The following TRAM1 variants were observed in gnomAD, a reference collection of about 807,000 sequenced individuals.
The protein encoded by TRAM1 is translocation associated membrane protein 1.
A neutral mutation model predicts 48.7 loss-of-function variants in TRAM1; 17 were observed. The observed-to-expected ratio is 0.35, with a 90% CI of 0.24 to 0.52. The LOEUF (loss-of-function observed/expected upper bound fraction) is 0.52. TRAM1 is among the 20% of genes least tolerant of loss of function. The pLI, the probability that TRAM1 is intolerant of heterozygous loss-of-function variation, is 0.94. For missense variants in TRAM1, 351 were observed against 441.5 expected, an observed-to-expected ratio of 0.79 and a Z score of 1.84; for synonymous variants, 182 against 154.0, an observed-to-expected ratio of 1.18 and a Z score of -1.34.
At chr8:70,591,629 TTTC>T (rs1317423616) in intron 6 of TRAM1, among the ~76,000 whole-genome samples, 1 of 152,204 alleles carries the variant, frequency 6.6e-6, no homozygotes, top group Non-Finnish European at 1.5e-5. Context: ...AAAAAACACA[TTTC>T]TTGACTACTC....
chr8:70,587,813 C>T (rs1233418816), intron 6 of TRAM1: 1 of 152,202 alleles, frequency 6.6e-6, no homozygotes, highest in Non-Finnish European at 1.5e-5. Flanking sequence ...TCCTCAATTA[C>T]TTTGCAAGCC....
intron 10 of TRAM1, among the ~76,000 whole-genome samples, chr8:70,582,089 G>C (rs1817088079): frequency 6.6e-6 from 1 of 152,108 alleles, no homozygotes; most frequent in South Asian, 2.1e-4. Context: ...ATACTTTAAA[G>C]GGTAAACTTT....
chr8:70,594,754 A>G (rs1817449833), intron 5 of TRAM1, among the ~76,000 whole-genome samples, 164 bp from the exon 6 acceptor site: 1 of 152,158 alleles, frequency 6.6e-6, no homozygotes, highest in South Asian at 2.1e-4. Flanking sequence ...CTCTTTCCCC[A>G]TCTCCCTGTG....
intron 1 of TRAM1, chr8:70,607,166 A>T: frequency 1.0e-6 from 1 of 985,400 alleles, no homozygotes; most frequent in South Asian, 4.7e-5. Flanking sequence ...AGCGAGGGGA[A>T]AAACGTAGGA....
chr8:70,597,218 C>A (rs1055758552), intron 4 of TRAM1, among the ~76,000 whole-genome samples: 1 of 152,106 alleles, frequency 6.6e-6, no homozygotes, highest in Non-Finnish European at 1.5e-5. Flanking sequence ...TAGAGTGATA[C>A]AACTAAAGGT....
chr8:70,574,735 T>A lies in TRAM1; in HGVS notation c.*197A>T, dbSNP rs1816908253. The A allele has an allele frequency of 4.2e-6, 2 of 471,750 alleles. No homozygotes were observed. The highest frequency in any genetic ancestry group is 8.2e-5 in the Admixed American group (2 of 24,462). The allele number at this position is 471,750 out of a possible 1,614,324, so 29.2% of individuals were successfully genotyped here. On this transcript the variant is annotated 3_prime_UTR_variant, in exon 11 of 11. Coordinates refer to ENST00000262213, the MANE Select transcript of TRAM1 (RefSeq NM_014294.6). ...ACTATTTTGAAGGCAGGTAGCTTAG[T>A]CTAAGCTAAAATATTTTTTTCATTC...
At chr8:70,605,096 T>C (rs979316337) in intron 1 of TRAM1, among the ~76,000 whole-genome samples, 12 of 152,258 alleles carry the variant, frequency 7.9e-5, no homozygotes, top group African/African-American at 1.7e-4. Context: ...CTTTTCAGTA[T>C]GTATAATCTC....
At chr8:70,594,323 T>TTC (rs1817435163) in intron 6 of TRAM1, among the ~76,000 whole-genome samples, 183 bp downstream of exon 6, 1 of 150,140 alleles carries the variant, frequency 6.7e-6, no homozygotes, top group Non-Finnish European at 1.5e-5. Context: ...TTTTTTTTTT[T>TTC]CAAGAAATGC....
chr8:70,593,526 C>T (rs1817413394), intron 6 of TRAM1, among the ~76,000 whole-genome samples: 1 of 151,376 alleles, frequency 6.6e-6, no homozygotes, highest in Non-Finnish European at 1.5e-5. Context: ...TCATCTATAT[C>T]CCTCTTCACT....
chr8:70,595,120 C>G (rs1817460364), intron 5 of TRAM1, among the ~76,000 whole-genome samples: 1 of 151,144 alleles, frequency 6.6e-6, no homozygotes, highest in Non-Finnish European at 1.5e-5. Flanking sequence ...GGAGGCAGAG[C>G]TAGGATTAAA....
intron 5 of TRAM1, among the ~76,000 whole-genome samples, chr8:70,595,270 T>A (rs1036903805): frequency 6.6e-6 from 1 of 151,806 alleles, no homozygotes; most frequent in African/African-American, 2.4e-5. Context: ...CCTCCAGAAG[T>A]CTAAAATAGA....
At chr8:70,603,736 C>A (rs1378337484) in intron 1 of TRAM1, among the ~76,000 whole-genome samples, 1 of 152,120 alleles carries the variant, frequency 6.6e-6, no homozygotes, top group African/African-American at 2.4e-5. Context: ...CCTTTACAAA[C>A]AACAAATGAG....
At chr8:70,599,052 A>C (rs964854512) in intron 2 of TRAM1, among the ~76,000 whole-genome samples, 2 of 152,138 alleles carry the variant, frequency 1.3e-5, no homozygotes, top group Admixed American at 1.3e-4. Flanking sequence ...TGAGGCCCAA[A>C]TTCAAGACTG....
At chr8:70,591,401 A>G (rs1817356177) in intron 6 of TRAM1, among the ~76,000 whole-genome samples, 1 of 152,150 alleles carries the variant, frequency 6.6e-6, no homozygotes, top group African/African-American at 2.4e-5. Context: ...CGGTGTTCAC[A>G]TGTCTGAGGC....
chr8:70,607,769 A>C, intron 1 of TRAM1: 1 of 199,306 alleles, frequency 5.0e-6, no homozygotes, highest in Non-Finnish European at 9.9e-6. Flanking sequence ...CGCGGGAACC[A>C]GGAACTGCGC....
intron 6 of TRAM1, among the ~76,000 whole-genome samples, chr8:70,589,396 G>C (rs983402463): frequency 6.6e-6 from 1 of 152,236 alleles, no homozygotes; most frequent in East Asian, 1.9e-4. Context: ...TCTCAGAAAA[G>C]CTCACTTAGT....
At chr8:70,604,450 G>A (rs1817677346) in intron 1 of TRAM1, among the ~76,000 whole-genome samples, 2 of 152,138 alleles carry the variant, frequency 1.3e-5, no homozygotes, top group Non-Finnish European at 2.9e-5. Context: ...CTCAGGTGGC[G>A]AGAGGGGAGG....
At chr8:70,596,871 G>C (rs1441630639) in intron 4 of TRAM1, among the ~76,000 whole-genome samples, 1 of 149,488 alleles carries the variant, frequency 6.7e-6, no homozygotes, top group African/African-American at 2.5e-5. Context: ...AGTGATTTTT[G>C]TAAGAGTATT....
intron 4 of TRAM1, among the ~76,000 whole-genome samples, chr8:70,597,160 G>A (rs1023919324): frequency 6.6e-6 from 1 of 152,148 alleles, no homozygotes; most frequent in African/African-American, 2.4e-5. Flanking sequence ...TTAAGGGATT[G>A]TTATCACTAA....
Sources: allele counts gnomAD v4.1 joint callset (sites outside exome capture counted in the v4.1 genomes callset), GRCh38; gene constraint gnomAD v4.1.1; transcripts MANE v1.5; gene names NCBI Gene and HGNC (gene_info 2026-07-23, HGNC 2026-07-21).